ZNF141: variants seen among roughly 807,000 people sequenced by gnomAD.
The protein encoded by ZNF141 is zinc finger protein 141 (clone pHZ-44).
A neutral mutation model predicts 11.3 loss-of-function variants in ZNF141; 7 were observed. The observed-to-expected ratio is 0.62, with a 90% confidence interval of 0.35 to 1.16. ZNF141 has a LOEUF of 1.16. Ranked by LOEUF, ZNF141 falls within the 50% of genes most tolerant of loss-of-function variation. The probability of loss-of-function intolerance (pLI) is 0.02; values close to 1 mark genes in which losing one functional copy is unlikely to be tolerated. For missense variants in ZNF141, 535 were observed against 554.0 expected (o/e 0.97, Z 0.34); for synonymous variants, 183 against 190.7 (o/e 0.96, Z 0.33).
intron 3 of ZNF141, 91 bp from the exon 4 acceptor site, chr4:372,573 C>A: frequency 8.6e-7 from 1 of 1,163,498 alleles, no homozygotes; most frequent in Non-Finnish European, 1.2e-6. Context: ...TGCCATCTTA[C>A]TAATGTATTT....
chr4:371,235 A>ATT (rs1174649105), intron 3 of ZNF141, among the ~76,000 whole-genome samples: 3 of 140,424 alleles, frequency 2.1e-5, no homozygotes, highest in Non-Finnish European at 3.1e-5. Context: ...TTGTTCTGGA[A>ATT]TTTTTTTTTT....
intron 1 of ZNF141, among the ~76,000 whole-genome samples, chr4:341,924 G>A (rs1553848519): frequency 1.3e-5 from 2 of 152,146 alleles, no homozygotes; most frequent in African/African-American, 2.4e-5. Flanking sequence ...CCAGCAACCT[G>A]TTCTCTATCC....
chr4:358,251 G>A lies in ZNF141; in HGVS notation c.226+13821G>A, dbSNP rs150421615. 4.8e-3 allele frequency: 1,817 copies of A among 377,880 alleles called. 13 individuals carry two copies. Among genetic ancestry groups the A allele is most frequent in the Non-Finnish European group, 6.3e-3 (1,258 of 199,154 alleles). The allele number at this position is 377,880 out of a possible 1,614,324, so 23.4% of individuals were successfully genotyped here. On this transcript the variant is annotated intron_variant, in intron 3 of 3. Transcript: ENST00000240499. ...CACCCAGACTGGAGTGCAATGGCAC[G>A]ATCTTGGCTGACTGCAACCTCTACC...
At position 359,183 on chromosome 4, in the gene ZNF141, T is replaced by C. The variant is rs1479484223; in HGVS notation, c.227-13481T>C. Reference sequence around the variant, plus strand: ...CTGGTCACGTAACTACTACTGGGTCTACAGTGAAGTTAATGCTTGGCAGAC... The same window carrying C: ...CTGGTCACGTAACTACTACTGGGTCCACAGTGAAGTTAATGCTTGGCAGAC... On this transcript the variant is annotated intron_variant, in intron 3 of 3. Transcript: ENST00000240499. Among the ~76,000 whole-genome samples, 2 of 152,204 alleles carry C rather than the reference T, an allele frequency of 1.3e-5. 1 individual carries two copies. Among genetic ancestry groups the C allele is most frequent in the Non-Finnish European group, 2.9e-5 (2 of 68,036 alleles).
chr4:343,021 A>G (rs868980037), intron 1 of ZNF141: 7 of 541,930 alleles, frequency 1.3e-5, no homozygotes, highest in South Asian at 1.2e-4. Flanking sequence ...AGTTCCTTGC[A>G]TGATTAAAAA....
chr4:367,660 G>A (rs1246765802), intron 3 of ZNF141, among the ~76,000 whole-genome samples: 4 of 151,862 alleles, frequency 2.6e-5, no homozygotes, highest in African/African-American at 7.3e-5. Context: ...GGGATTACAG[G>A]TGCGCACCAC....
intron 3 of ZNF141, among the ~76,000 whole-genome samples, chr4:356,003 C>T (rs536391529): frequency 1.4e-4 from 21 of 152,070 alleles, no homozygotes; most frequent in Non-Finnish European, 1.9e-4. Flanking sequence ...GAGGCTGAGG[C>T]GGGTGGATCA....
chr4:343,372 A>G (rs1721148478), intron 1 of ZNF141, among the ~76,000 whole-genome samples: 1 of 152,190 alleles, frequency 6.6e-6, no homozygotes, highest in Non-Finnish European at 1.5e-5. Context: ...AGATAATCCC[A>G]GTCAGTCACA....
chr4:340,312 A>C (rs1553848218), intron 1 of ZNF141, among the ~76,000 whole-genome samples: 1 of 152,248 alleles, frequency 6.6e-6, no homozygotes, highest in Non-Finnish European at 1.5e-5. Context: ...TGCAAACAAA[A>C]TGATCTCTCT....
chr4:373,539 A>C lies in ZNF141; in HGVS notation c.1102A>C (p.Lys368Gln), dbSNP rs782805239. Residue 368 changes from lysine (K) to glutamine (Q), a missense_variant, in exon 4 of 4, where the codon AAA becomes CAA. Coordinates refer to ENST00000240499, the MANE Select transcript of ZNF141 (RefSeq NM_003441.4). Reference protein sequence around the residue: ...KKVHTGERPYKCDECGKAFGR... With the variant: ...KKVHTGERPYQCDECGKAFGR... ...AGTTCATACTGGAGAGCGGCCCTAC[A>C]AATGTGATGAATGTGGCAAAGCCTT... The C allele has an allele frequency of 4.3e-6, 7 of 1,613,984 alleles. No homozygotes were observed. The highest frequency in any genetic ancestry group is 2.2e-5 in the South Asian group (2 of 91,074).
intron 3 of ZNF141, among the ~76,000 whole-genome samples, chr4:367,005 C>G (rs1407567665): frequency 2.0e-5 from 3 of 152,206 alleles, no homozygotes; most frequent in African/African-American, 4.8e-5. Context: ...CAAAATTGAA[C>G]ATGGCTTTGT....
chr4:344,385 G>C lies in ZNF141; in HGVS notation c.181G>C (p.Glu61Gln). 1.2e-6 allele frequency: 2 copies of C among 1,608,816 alleles called. No individual in the cohort carries two copies. Among genetic ancestry groups the C allele is most frequent in the South Asian group, 1.1e-5 (1 of 91,054 alleles). Residue 61 changes from glutamate to glutamine, a missense_variant, in exon 3 of 4, where the codon GAG (glutamate) becomes CAG (glutamine). Physicochemically the swap from Glu to Gln is conservative, Grantham distance 29 (BLOSUM62 2). Coordinates refer to ENST00000240499, the MANE Select transcript of ZNF141 (RefSeq NM_003441.4). ...DLVTCLEQRK[E>Q]PYNVKIHKIV... ...GGTCACCTGTCTGGAGCAAAGAAAAGAGCCCTACAATGTGAAGATACATAA... is the reference window on the plus strand; with the variant it reads ...GGTCACCTGTCTGGAGCAAAGAAAACAGCCCTACAATGTGAAGATACATAA...
chr4:343,037 TAAA>T (rs1721127736), intron 1 of ZNF141: 3 of 764,282 alleles, frequency 3.9e-6, no homozygotes, highest in Non-Finnish European at 4.3e-6. Flanking sequence ...AAAAAAGTAT[TAAA>T]AAAGTTCCTT....
At position 379,978 on chromosome 4, in the gene ZNF141, C is replaced by G. The variant is rs934199052; in HGVS notation, c.*6116C>G. Among the ~76,000 whole-genome samples, 1 of 152,192 alleles carries G rather than the reference C, an allele frequency of 6.6e-6. No individual in the cohort carries two copies. The highest frequency in any genetic ancestry group is 2.4e-5 in the African/African-American group (1 of 41,442). On this transcript the variant is annotated 3_prime_UTR_variant, in exon 4 of 4. Transcript: ENST00000240499. ...ATTATTGTTAACTGTAGTCACCATG[C>G]TGTACAATAGATTTCTTGAATTTAT...
intron 3 of ZNF141, 144 bp from the exon 4 acceptor site, chr4:372,520 T>C (rs1581626005): frequency 1.6e-6 from 1 of 638,460 alleles, no homozygotes; most frequent in Non-Finnish European, 2.4e-6. Context: ...GTTTGCTACA[T>C]GTATATGTCT....
At chr4:342,235 A>G (rs1721082722) in intron 1 of ZNF141, among the ~76,000 whole-genome samples, 1 of 152,228 alleles carries the variant, frequency 6.6e-6, no homozygotes, top group Admixed American at 6.5e-5. Context: ...ACATCTGAGC[A>G]CATATTACAT....
At position 382,148 on chromosome 4, in the gene ZNF141, A is replaced by G. The variant is rs192071674; in HGVS notation, c.*8286A>G. ...TTTTTAGTAGAGACGGGGTTTCACC[A>G]TGTTAGCCAACAAGGTCTTGATTTC... On this transcript the variant is annotated 3_prime_UTR_variant, in exon 4 of 4. Transcript: ENST00000240499. Among the ~76,000 whole-genome samples, 329 of 151,890 alleles carry G rather than the reference A, an allele frequency of 2.2e-3. 1 individual carries two copies. Among genetic ancestry groups the G allele is most frequent in the South Asian group, 0.02 (98 of 4,798 alleles).
At chr4:369,764 ATT>A (rs34509477) in intron 3 of ZNF141, among the ~76,000 whole-genome samples, 13 of 48,722 alleles carry the variant, frequency 2.7e-4, no homozygotes, top group Admixed American at 8.7e-4. Flanking sequence ...ATATATATAT[ATT>A]TTTTTTTTTT....
At chr4:361,387 G>GTTT (rs200611005) in intron 3 of ZNF141, among the ~76,000 whole-genome samples, 3 of 130,542 alleles carry the variant, frequency 2.3e-5, no homozygotes, top group Non-Finnish European at 3.3e-5. Context: ...ATATCTTTCT[G>GTTT]TTTTTTTTTT....
Sources: allele counts gnomAD v4.1 joint callset (sites outside exome capture counted in the v4.1 genomes callset), GRCh38; gene constraint gnomAD v4.1.1; transcripts MANE v1.5; gene names NCBI Gene and HGNC (gene_info 2026-07-23, HGNC 2026-07-21).